NRXN3: variants seen among roughly 807,000 people sequenced by gnomAD.
NRXN3 encodes the protein neurexin 3.
A neutral mutation model predicts 137.6 loss-of-function variants in NRXN3; 32 were observed. The ratio of observed to expected loss-of-function variants is 0.23; its 90% CI spans 0.18 to 0.31. NRXN3 has a LOEUF of 0.31. Ranked by LOEUF, NRXN3 falls within the 10% of genes least tolerant of loss-of-function variation. The pLI, the probability that NRXN3 is intolerant of heterozygous loss-of-function variation, is 1.00. For missense variants in NRXN3, 1,574 were observed against 2,062.5 expected, an observed-to-expected ratio of 0.76 and a Z score of 4.59; for synonymous variants, 798 against 784.5, an observed-to-expected ratio of 1.02 and a Z score of -0.29.
intron 3 of NRXN3, among the ~76,000 whole-genome samples, chr14:78,292,591 T>G: frequency 6.6e-6 from 1 of 152,348 alleles, no homozygotes; most frequent in South Asian, 2.1e-4. Flanking sequence ...CGTTGCTTTC[T>G]TATATTTTTG....
intron 16 of NRXN3, among the ~76,000 whole-genome samples, chr14:79,523,968 G>C (rs2097095010): frequency 6.6e-6 from 1 of 152,302 alleles, no homozygotes; most frequent in East Asian, 1.9e-4. Flanking sequence ...TCCAGTTGCT[G>C]TAGGAGCTTT....
chr14:78,802,562 T>C (rs2098842642), intron 8 of NRXN3, among the ~76,000 whole-genome samples: 1 of 152,226 alleles, frequency 6.6e-6, no homozygotes, highest in African/African-American at 2.4e-5. Flanking sequence ...GGTTTTCTTG[T>C]CTGCAAGTAG....
At chr14:78,553,525 C>G (rs370026624) in intron 4 of NRXN3, among the ~76,000 whole-genome samples, 1 of 152,156 alleles carries the variant, frequency 6.6e-6, no homozygotes, top group Non-Finnish European at 1.5e-5. Flanking sequence ...TCCACCCATC[C>G]CCTCTCAGAG....
At chr14:79,089,435 T>A (rs1173673058) in intron 15 of NRXN3, among the ~76,000 whole-genome samples, 1 of 152,036 alleles carries the variant, frequency 6.6e-6, no homozygotes, top group Non-Finnish European at 1.5e-5. Flanking sequence ...AAAACATAGT[T>A]GAGAATGGAA....
At chr14:78,365,832 A>G (rs1015309759) in intron 4 of NRXN3, among the ~76,000 whole-genome samples, 12 of 152,242 alleles carry the variant, frequency 7.9e-5, no homozygotes, top group African/African-American at 2.7e-4. Context: ...GTAGCAGTGA[A>G]CAAAACAGAT....
At chr14:78,298,657 T>C (rs2076593146) in intron 4 of NRXN3, among the ~76,000 whole-genome samples, 1 of 152,198 alleles carries the variant, frequency 6.6e-6, no homozygotes, top group Non-Finnish European at 1.5e-5. Context: ...AAATTGTCTT[T>C]TCCTTCACAG....
intron 15 of NRXN3, among the ~76,000 whole-genome samples, chr14:79,028,211 A>G (rs549683859): frequency 6.6e-6 from 1 of 152,160 alleles, no homozygotes; most frequent in African/African-American, 2.4e-5. Flanking sequence ...TTTGGAAAAC[A>G]TGGTGAGCCT....
intron 15 of NRXN3, among the ~76,000 whole-genome samples, chr14:79,100,035 C>T (rs2050987075): frequency 6.6e-6 from 1 of 152,202 alleles, no homozygotes; most frequent in South Asian, 2.1e-4. Context: ...GATGTGAATG[C>T]TCATGCTAGG....
At chr14:79,605,592 A>T (rs1384058955) in intron 16 of NRXN3, among the ~76,000 whole-genome samples, 3 of 152,068 alleles carry the variant, frequency 2.0e-5, no homozygotes, top group Non-Finnish European at 4.4e-5. Context: ...GGTTCAAGCA[A>T]TTCTCCTGCC....
chr14:78,918,242 G>A (rs1419143486), intron 10 of NRXN3, among the ~76,000 whole-genome samples: 7 of 125,824 alleles, frequency 5.6e-5, no homozygotes, highest in South Asian at 2.5e-4. Context: ...CCGAGATCAC[G>A]CCATTGCACT....
intron 15 of NRXN3, among the ~76,000 whole-genome samples, chr14:79,075,595 T>A (rs1182774250): frequency 6.6e-6 from 1 of 152,180 alleles, no homozygotes; most frequent in East Asian, 1.9e-4. Flanking sequence ...GTGGTGTATA[T>A]TTCAGATATT....
At chr14:78,360,576 C>A (rs751373080) in intron 4 of NRXN3, among the ~76,000 whole-genome samples, 1 of 152,146 alleles carries the variant, frequency 6.6e-6, no homozygotes, top group Non-Finnish European at 1.5e-5. Flanking sequence ...GTTTCTTTAT[C>A]TCCACAATGG....
chr14:78,926,909 A>AT (rs2099303632), intron 10 of NRXN3, among the ~76,000 whole-genome samples: 1 of 28,864 alleles, frequency 3.5e-5, no homozygotes, highest in Non-Finnish European at 4.8e-5. Flanking sequence ...TAATATATAT[A>AT]ATATATATAT....
At chr14:79,203,444 C>T (rs2066351958) in intron 15 of NRXN3, among the ~76,000 whole-genome samples, 1 of 152,142 alleles carries the variant, frequency 6.6e-6, no homozygotes, top group African/African-American at 2.4e-5. Flanking sequence ...TGAATTAGGG[C>T]TGTACAGAGT....
intron 4 of NRXN3, among the ~76,000 whole-genome samples, chr14:78,599,423 T>C (rs529620046): frequency 6.6e-6 from 1 of 152,378 alleles, no homozygotes; most frequent in African/African-American, 2.4e-5. Context: ...AATAGAAATT[T>C]AGTCTTATTT....
At chr14:79,008,136 C>G (rs1353419741) in intron 15 of NRXN3, among the ~76,000 whole-genome samples, 1 of 152,120 alleles carries the variant, frequency 6.6e-6, no homozygotes, top group Non-Finnish European at 1.5e-5. Context: ...AAGATAAAAG[C>G]TATCTCCATT....
At chr14:79,190,212 G>A (rs1002536166) in intron 15 of NRXN3, among the ~76,000 whole-genome samples, 22 of 151,448 alleles carry the variant, frequency 1.5e-4, no homozygotes, top group African/African-American at 4.1e-4. Flanking sequence ...TAATCCTTAC[G>A]GAAATTTTTT....
chr14:79,454,260 T>A (rs1377205317), intron 15 of NRXN3, among the ~76,000 whole-genome samples: 1 of 152,098 alleles, frequency 6.6e-6, no homozygotes. Flanking sequence ...ATTTTTGTAT[T>A]TTTAGTAGAG....
At chr14:79,735,451 G>A (rs1432583435) in intron 19 of NRXN3, among the ~76,000 whole-genome samples, 3 of 152,238 alleles carry the variant, frequency 2.0e-5, no homozygotes, top group East Asian at 1.9e-4. Context: ...CAAACTTCCC[G>A]GGGTTGACAT....
Sources: allele counts gnomAD v4.1 joint callset (sites outside exome capture counted in the v4.1 genomes callset), GRCh38; gene constraint gnomAD v4.1.1; transcripts MANE v1.5; gene names NCBI Gene and HGNC (gene_info 2026-07-23, HGNC 2026-07-21).